CNTNAP2: variants seen among roughly 807,000 people sequenced by gnomAD.
CNTNAP2 encodes the protein contactin associated protein 2.
In CNTNAP2, 98 loss-of-function variants were observed where a neutral mutation model predicts 155.2. The ratio of observed to expected loss-of-function variants is 0.63; its 90% CI spans 0.54 to 0.75. CNTNAP2 has a LOEUF of 0.75. CNTNAP2 is among the 30% of genes least tolerant of loss of function. The pLI is 0.00. For synonymous variants in CNTNAP2, 651 were observed against 631.2 expected (o/e 1.03, Z -0.47); for missense variants, 1,727 against 1,688.1 (o/e 1.02, Z -0.40).
Position 148,150,114 on chromosome 7 carries a change from A to C in CNTNAP2, c.2773+2405A>C, listed in dbSNP as rs1362079382. Among the ~76,000 whole-genome samples, 3 of 80,378 alleles carry C rather than the reference A, an allele frequency of 3.7e-5. No homozygotes were observed. The East Asian group carries it at 1.3e-3, about 36-fold the overall frequency. 52.7% of individuals were successfully genotyped at this position (80,378 alleles called of 152,430 possible). ...AGAGGGGTTGTTACAAAAAAAAAAA[A>C]AAAAAAAAAAAAAAAAGGACGGCCA... On this transcript the variant is annotated intron_variant, in intron 17 of 23. Coordinates refer to ENST00000361727, the MANE Select transcript of CNTNAP2 (RefSeq NM_014141.6).
intron 1 of CNTNAP2, among the ~76,000 whole-genome samples, chr7:146,571,682 C>T (rs904081342): frequency 2.6e-5 from 4 of 151,712 alleles, no homozygotes; most frequent in Non-Finnish European, 2.9e-5. Flanking sequence ...GTTCTGCAGG[C>T]GATAGTGTTG....
intron 3 of CNTNAP2, among the ~76,000 whole-genome samples, chr7:147,041,034 A>G (rs545019166): frequency 1.3e-5 from 2 of 152,262 alleles, no homozygotes; most frequent in African/African-American, 4.8e-5. Context: ...TTGACCTTCA[A>G]TTACTTGTTG....
chr7:148,196,524 G>A (rs1795281043), intron 18 of CNTNAP2, among the ~76,000 whole-genome samples: 1 of 152,252 alleles, frequency 6.6e-6, no homozygotes, highest in African/African-American at 2.4e-5. Context: ...TTACAGCTGG[G>A]ACCAGAGGGG....
At chr7:148,030,372 T>G (rs1802454495) in intron 15 of CNTNAP2, among the ~76,000 whole-genome samples, 1 of 152,240 alleles carries the variant, frequency 6.6e-6, no homozygotes, top group African/African-American at 2.4e-5. Flanking sequence ...GTCAATGTAC[T>G]TAATATGCCA....
Position 148,339,842 on chromosome 7 carries a change from C to T in CNTNAP2, c.3476-43807C>T, listed in dbSNP as rs530684921. ...ATTCTTGATCTTCTCTCTGCAAGGTCGGGGGTTCTTTGGGGAGTAAATCAC... is the reference window on the plus strand; with the variant it reads ...ATTCTTGATCTTCTCTCTGCAAGGTTGGGGGTTCTTTGGGGAGTAAATCAC... On this transcript the variant is annotated intron_variant, in intron 21 of 23. Coordinates refer to ENST00000361727, the MANE Select transcript of CNTNAP2 (RefSeq NM_014141.6). 8.5e-4 allele frequency among the ~76,000 whole-genome samples: 129 copies of T among 152,228 alleles called. 1 individual carries two copies. The highest frequency in any genetic ancestry group is 2.9e-3 in the African/African-American group (119 of 41,552).
chr7:147,056,551 A>C (rs987231252), intron 4 of CNTNAP2, among the ~76,000 whole-genome samples: 3 of 152,088 alleles, frequency 2.0e-5, no homozygotes, highest in African/African-American at 7.2e-5. Context: ...CTCTACTCCA[A>C]ATTTCAGCAT....
intron 10 of CNTNAP2, among the ~76,000 whole-genome samples, chr7:147,437,040 G>C (rs1239780089): frequency 6.6e-6 from 1 of 152,002 alleles, no homozygotes; most frequent in Non-Finnish European, 1.5e-5. Flanking sequence ...CCTGTATAAA[G>C]TTTAGTCCAG....
chr7:146,830,026 A>G (rs1803480322), intron 2 of CNTNAP2, among the ~76,000 whole-genome samples: 1 of 152,020 alleles, frequency 6.6e-6, no homozygotes, highest in Non-Finnish European at 1.5e-5. Context: ...ACAAAAATGA[A>G]TATTTTTGTT....
chr7:146,296,990 GTGTT>G (rs1001298149), intron 1 of CNTNAP2, among the ~76,000 whole-genome samples: 2 of 152,036 alleles, frequency 1.3e-5, no homozygotes, highest in African/African-American at 4.8e-5. Context: ...TTCTGTGTGT[GTGTT>G]TGTGTTGTTC....
intron 1 of CNTNAP2, among the ~76,000 whole-genome samples, chr7:146,560,028 C>T (rs1798256681): frequency 6.6e-6 from 1 of 152,134 alleles, no homozygotes; most frequent in Non-Finnish European, 1.5e-5. Context: ...AGTTAAAACA[C>T]TTTTATTTGC....
intron 4 of CNTNAP2, among the ~76,000 whole-genome samples, chr7:147,086,601 T>C (rs1053144211): frequency 6.6e-6 from 1 of 152,042 alleles, no homozygotes; most frequent in East Asian, 1.9e-4. Context: ...ATGTAGCTAA[T>C]ATTTTTTAAA....
At chr7:147,659,672 A>G (rs537054581) in intron 13 of CNTNAP2, among the ~76,000 whole-genome samples, 154 of 152,354 alleles carry the variant, frequency 1.0e-3, no homozygotes, top group Non-Finnish European at 1.7e-3. Flanking sequence ...ATAGCCACAT[A>G]TATTAAATTT....
chr7:148,279,087 T>C (rs1290659392), intron 21 of CNTNAP2, among the ~76,000 whole-genome samples: 2 of 152,152 alleles, frequency 1.3e-5, no homozygotes, highest in Non-Finnish European at 2.9e-5. Context: ...ATGGAGACCA[T>C]CATGGAGAGT....
At chr7:147,737,753 G>A (rs150243482) in intron 13 of CNTNAP2, among the ~76,000 whole-genome samples, 1,675 of 152,274 alleles carry the variant, frequency 0.011, 96 homozygotes, top group Admixed American at 0.087. Flanking sequence ...GCTGCCTTGC[G>A]GTTTGATCTC....
intron 8 of CNTNAP2, among the ~76,000 whole-genome samples, chr7:147,292,598 A>T (rs761816029): frequency 4.6e-5 from 7 of 152,046 alleles, no homozygotes; most frequent in Non-Finnish European, 7.4e-5. Context: ...GATGATTTGG[A>T]GGAATCAGGG....
At chr7:148,229,592 T>C in intron 19 of CNTNAP2, 54 bp from the exon 20 acceptor site, 1 of 1,602,514 alleles carries the variant, frequency 6.2e-7, no homozygotes. Flanking sequence ...GGATGTGACA[T>C]TAAAATGAAA....
At chr7:147,810,442 TGAG>T (rs938348109) in intron 13 of CNTNAP2, among the ~76,000 whole-genome samples, 7 of 152,048 alleles carry the variant, frequency 4.6e-5, no homozygotes, top group African/African-American at 1.7e-4. Flanking sequence ...GGGTTCATGT[TGAG>T]GACAAAATTA....
intron 21 of CNTNAP2, among the ~76,000 whole-genome samples, chr7:148,369,241 C>T (rs932465350): frequency 1.2e-4 from 13 of 112,520 alleles, no homozygotes; most frequent in Non-Finnish European, 2.1e-4. Context: ...CTCTATTGCC[C>T]AGGCTGGAAC....
chr7:146,734,912 T>C (rs1801585551), intron 1 of CNTNAP2, among the ~76,000 whole-genome samples: 1 of 152,198 alleles, frequency 6.6e-6, no homozygotes, highest in Admixed American at 6.5e-5. Context: ...CTCTGGAGTG[T>C]TCACAAAATC....
Sources: gnomAD v4.1 joint callset for allele counts (sites outside exome capture counted in the v4.1 genomes callset) on GRCh38, gnomAD v4.1.1 for gene constraint, MANE v1.5 for transcripts, NCBI Gene and HGNC (gene_info 2026-07-23, HGNC 2026-07-21) for gene names.